The following KCNK2 variants were observed in gnomAD, a reference collection of about 807,000 sequenced individuals.
KCNK2 encodes potassium channel subfamily K member 2.
Under a neutral mutation model 40.5 loss-of-function variants are expected in KCNK2, and 21 were observed. The observed-to-expected ratio is 0.52, with a 90% confidence interval of 0.37 to 0.75. The LOEUF is 0.75. Among genes scored for constraint, KCNK2 ranks in the 30% least tolerant of loss-of-function variants. The pLI, the probability that KCNK2 is intolerant of heterozygous loss-of-function variation, is 0.00. For missense variants in KCNK2, 399 were observed against 531.6 expected, an observed-to-expected ratio of 0.75 and a Z score of 2.45; for synonymous variants, 191 against 202.2, an observed-to-expected ratio of 0.94 and a Z score of 0.47.
At chr1:215,232,315 C>T (rs989575423) in intron 6 of KCNK2, among the ~76,000 whole-genome samples, 5 of 152,012 alleles carry the variant, frequency 3.3e-5, no homozygotes, top group African/African-American at 9.7e-5. Flanking sequence ...GACTAAAATT[C>T]GATGAGAAAA....
intron 6 of KCNK2, among the ~76,000 whole-genome samples, chr1:215,221,366 T>C (rs1382405423): frequency 1.3e-5 from 2 of 152,052 alleles, no homozygotes; most frequent in African/African-American, 2.4e-5. Flanking sequence ...AGAGTGAGAC[T>C]CCATCTCAAA....
chr1:215,214,796 A>T (rs1268968394), intron 6 of KCNK2, among the ~76,000 whole-genome samples: 2 of 152,154 alleles, frequency 1.3e-5, no homozygotes, highest in Non-Finnish European at 2.9e-5. Context: ...ACTGCACTTC[A>T]GCCTGGGCAG....
intron 3 of KCNK2, among the ~76,000 whole-genome samples, chr1:215,149,719 G>A (rs1662601785): frequency 6.6e-6 from 1 of 152,196 alleles, no homozygotes; most frequent in Non-Finnish European, 1.5e-5. Context: ...ATGTGCAGAA[G>A]AGATTTTGAA....
intron 1 of KCNK2, among the ~76,000 whole-genome samples, chr1:215,020,529 G>T (rs1028293807): frequency 1.3e-5 from 2 of 152,112 alleles, no homozygotes; most frequent in African/African-American, 2.4e-5. Context: ...GAGTTCAAGC[G>T]ATTATTGTGC....
intron 3 of KCNK2, among the ~76,000 whole-genome samples, chr1:215,151,604 A>G (rs896567999): frequency 3.3e-5 from 5 of 152,050 alleles, no homozygotes; most frequent in African/African-American, 1.2e-4. Flanking sequence ...TGTAAAGTGC[A>G]TTATATTTAT....
At chr1:215,034,129 C>G (rs1558063612) in intron 1 of KCNK2, among the ~76,000 whole-genome samples, 1 of 152,106 alleles carries the variant, frequency 6.6e-6, no homozygotes, top group Non-Finnish European at 1.5e-5. Flanking sequence ...TTTGATGGAT[C>G]TAAAAAGAGT....
chr1:215,065,941 G>A (rs1658522164), intron 1 of KCNK2, among the ~76,000 whole-genome samples: 1 of 152,062 alleles, frequency 6.6e-6, no homozygotes, highest in East Asian at 1.9e-4. Context: ...GTCCAGCCTG[G>A]GCAACATGGT....
At chr1:215,140,612 C>T (rs907446486) in intron 3 of KCNK2, among the ~76,000 whole-genome samples, 6 of 151,990 alleles carry the variant, frequency 3.9e-5, no homozygotes, top group Non-Finnish European at 8.8e-5. Context: ...AAAAGATGCA[C>T]AAAATAAATG....
At chr1:215,137,462 T>C (rs1324202780) in intron 3 of KCNK2, among the ~76,000 whole-genome samples, 1 of 152,176 alleles carries the variant, frequency 6.6e-6, no homozygotes, top group Non-Finnish European at 1.5e-5. Flanking sequence ...GCAGAGACCG[T>C]ATGGCCTCCA....
intron 6 of KCNK2, among the ~76,000 whole-genome samples, chr1:215,196,984 A>G (rs1664892014): frequency 6.6e-6 from 1 of 152,182 alleles, no homozygotes; most frequent in South Asian, 2.1e-4. Context: ...TTGTTTTGCG[A>G]TACACAAATA....
intron 6 of KCNK2, among the ~76,000 whole-genome samples, chr1:215,196,258 G>T (rs1558133885): frequency 6.6e-6 from 1 of 151,796 alleles, no homozygotes; most frequent in Non-Finnish European, 1.5e-5. Flanking sequence ...TAAATTTTTT[G>T]TATGTTTAGT....
chr1:215,217,493 C>A (rs1165953755), intron 6 of KCNK2, among the ~76,000 whole-genome samples: 2 of 152,100 alleles, frequency 1.3e-5, no homozygotes, highest in Non-Finnish European at 2.9e-5. Flanking sequence ...GTTCTTTTCT[C>A]ACATCTTTAT....
chr1:215,018,036 A>T (rs570069364), intron 1 of KCNK2, among the ~76,000 whole-genome samples: 7 of 152,312 alleles, frequency 4.6e-5, no homozygotes, highest in African/African-American at 1.7e-4. Context: ...TTAGTGGCTG[A>T]TAATTTTATA....
intron 6 of KCNK2, 79 bp from the exon 7 acceptor site, chr1:215,234,749 A>T (rs548470328): frequency 1.5e-6 from 2 of 1,338,720 alleles, no homozygotes; most frequent in Admixed American, 4.4e-5. Context: ...TCCCAAAATA[A>T]AATGAACTGA....
chr1:215,186,769 G>A (rs1363946052), intron 5 of KCNK2, among the ~76,000 whole-genome samples: 1 of 152,140 alleles, frequency 6.6e-6, no homozygotes, highest in African/African-American at 2.4e-5. Context: ...CTTCCCGATG[G>A]CACTTTCTGT....
At chr1:215,024,853 A>AAATTT (rs1656938763) in intron 1 of KCNK2, among the ~76,000 whole-genome samples, 2 of 152,158 alleles carry the variant, frequency 1.3e-5, no homozygotes, top group African/African-American at 4.8e-5. Context: ...CAGAGCTAAC[A>AAATTT]AATTTAATAG....
chr1:215,045,417 A>C (rs1364643840), intron 1 of KCNK2, among the ~76,000 whole-genome samples: 2 of 152,146 alleles, frequency 1.3e-5, no homozygotes, highest in African/African-American at 4.8e-5. Context: ...GAGGAATCTA[A>C]TTTCATTTCT....
intron 5 of KCNK2, among the ~76,000 whole-genome samples, chr1:215,181,370 G>A (rs1276828365): frequency 1.3e-5 from 2 of 152,038 alleles, no homozygotes; most frequent in Admixed American, 6.6e-5. Flanking sequence ...TTCCATTTTG[G>A]TTTGGGGCCA....
chr1:215,020,151 A>G (rs2802650), intron 1 of KCNK2, among the ~76,000 whole-genome samples: 66,751 of 151,886 alleles, frequency 0.44, 16,352 homozygotes, highest in Non-Finnish European at 0.55. Context: ...GAGGTGTGGC[A>G]CTTTGGATGT....
Sources: allele counts gnomAD v4.1 joint callset (sites outside exome capture counted in the v4.1 genomes callset), GRCh38; gene constraint gnomAD v4.1.1; transcripts MANE v1.5; gene names NCBI Gene and HGNC (gene_info 2026-07-23, HGNC 2026-07-21).